The following PPARGC1A variants were observed in gnomAD, a reference collection of about 807,000 sequenced individuals.
PPARGC1A encodes PPARG coactivator 1 alpha, also known as peroxisome proliferator-activated receptor gamma coactivator 1-alpha.
A neutral mutation model predicts 88.7 loss-of-function variants in PPARGC1A; 25 were observed. The observed-to-expected ratio is 0.28, with a 90% CI of 0.21 to 0.39. The LOEUF (loss-of-function observed/expected upper bound fraction) is 0.39, where lower values mean the gene tolerates loss of function less well. Among genes scored for constraint, PPARGC1A ranks in the 10% least tolerant of loss-of-function variants. The probability of loss-of-function intolerance (pLI) is 1.00; values close to 1 mark genes in which losing one functional copy is unlikely to be tolerated. For missense variants in PPARGC1A, 880 were observed against 968.7 expected, an observed-to-expected ratio of 0.91 and a Z score of 1.22; for synonymous variants, 363 against 355.6, an observed-to-expected ratio of 1.02 and a Z score of -0.24.
At chr4:24,438,647 T>C in the PPARGC1A span, among the ~76,000 whole-genome samples, 1 of 152,200 alleles carries the variant, frequency 6.6e-6, no homozygotes, top group African/African-American at 2.4e-5. Flanking sequence ...GATAAACATT[T>C]CCTCTCAAAA....
the PPARGC1A span, among the ~76,000 whole-genome samples, chr4:23,958,128 G>A: frequency 6.6e-6 from 1 of 152,092 alleles, no homozygotes; most frequent in Non-Finnish European, 1.5e-5. Flanking sequence ...TTGCTTGGCT[G>A]TATGTAATAA....
chr4:24,465,703 T>C, the PPARGC1A span, among the ~76,000 whole-genome samples: 1 of 152,202 alleles, frequency 6.6e-6, no homozygotes, highest in African/African-American at 2.4e-5. Flanking sequence ...TGACATTTAA[T>C]GTTTTCCCTC....
At chr4:24,421,188 G>A in the PPARGC1A span, among the ~76,000 whole-genome samples, 4 of 152,032 alleles carry the variant, frequency 2.6e-5, no homozygotes, top group Non-Finnish European at 4.4e-5. Context: ...ACATCCAGTT[G>A]TATTTGAATT....
the PPARGC1A span, among the ~76,000 whole-genome samples, chr4:24,439,622 T>TG: frequency 1.6e-4 from 24 of 152,132 alleles, no homozygotes; most frequent in Non-Finnish European, 3.1e-4. Context: ...TGCTTTCACG[T>TG]GAAAAAAAGA....
intron 7 of PPARGC1A, among the ~76,000 whole-genome samples, chr4:23,820,927 GCAGT>G (rs1369008684): frequency 6.6e-6 from 1 of 152,106 alleles, no homozygotes; most frequent in Non-Finnish European, 1.5e-5. Flanking sequence ...TTCTGCTGCT[GCAGT>G]CAAACTGATT....
the PPARGC1A span, among the ~76,000 whole-genome samples, chr4:24,327,282 C>T: frequency 6.6e-6 from 1 of 152,204 alleles, no homozygotes; most frequent in Non-Finnish European, 1.5e-5. Flanking sequence ...TCCCTACTAT[C>T]TTCTGTCTAG....
intron 2 of PPARGC1A, chr4:23,882,806 G>A (rs1279693071): frequency 1.3e-5 from 2 of 152,214 alleles, no homozygotes; most frequent in East Asian, 3.9e-4. Context: ...TCTCCTGAAG[G>A]TATAAATGCA....
chr4:24,060,830 G>T, the PPARGC1A span, among the ~76,000 whole-genome samples: 1 of 151,492 alleles, frequency 6.6e-6, no homozygotes, highest in Non-Finnish European at 1.5e-5. Context: ...CTTTAATGAG[G>T]GCTTACAACA....
chr4:24,362,115 C>T, the PPARGC1A span, among the ~76,000 whole-genome samples: 1 of 152,156 alleles, frequency 6.6e-6, no homozygotes, highest in Admixed American at 6.5e-5. Flanking sequence ...ACATTGTTGT[C>T]CCTGGTATCC....
At chr4:24,311,754 A>C in the PPARGC1A span, among the ~76,000 whole-genome samples, 1 of 152,180 alleles carries the variant, frequency 6.6e-6, no homozygotes, top group African/African-American at 2.4e-5. Flanking sequence ...TGTTATGCAA[A>C]CTGAACAGAG....
At chr4:23,957,093 T>G in the PPARGC1A span, among the ~76,000 whole-genome samples, 1 of 152,082 alleles carries the variant, frequency 6.6e-6, no homozygotes, top group East Asian at 1.9e-4. Flanking sequence ...CAAGTTCACA[T>G]GCTAATCACA....
the PPARGC1A span, among the ~76,000 whole-genome samples, chr4:24,135,154 A>G: frequency 6.6e-6 from 1 of 151,846 alleles, no homozygotes; most frequent in Non-Finnish European, 1.5e-5. Context: ...AATTGACTCT[A>G]TTAAAACTAC....
the PPARGC1A span, among the ~76,000 whole-genome samples, chr4:24,441,971 G>A: frequency 6.6e-6 from 1 of 152,316 alleles, no homozygotes; most frequent in South Asian, 2.1e-4. Context: ...TGACATTTAA[G>A]TGGTCATGCA....
the PPARGC1A span, among the ~76,000 whole-genome samples, chr4:23,990,172 T>C: frequency 6.8e-6 from 1 of 147,770 alleles, no homozygotes; most frequent in Non-Finnish European, 1.5e-5. Context: ...ATATAACGCA[T>C]ATTCCAATCC....
the PPARGC1A span, among the ~76,000 whole-genome samples, chr4:24,318,198 G>A: frequency 6.6e-6 from 1 of 152,194 alleles, no homozygotes; most frequent in South Asian, 2.1e-4. Context: ...GCGACCACTT[G>A]GTATAGTGAC....
the PPARGC1A span, among the ~76,000 whole-genome samples, chr4:23,965,050 G>A: frequency 6.6e-6 from 1 of 152,070 alleles, no homozygotes; most frequent in Non-Finnish European, 1.5e-5. Context: ...GAAGTCATTG[G>A]GACCATCCTT....
the PPARGC1A span, among the ~76,000 whole-genome samples, chr4:24,468,978 AT>A: frequency 6.6e-5 from 10 of 151,486 alleles, no homozygotes; most frequent in Non-Finnish European, 1.5e-4. Flanking sequence ...AAAAAGCTTG[AT>A]TTTTTTTTAG....
At chr4:24,031,769 T>A in the PPARGC1A span, among the ~76,000 whole-genome samples, 1 of 152,186 alleles carries the variant, frequency 6.6e-6, no homozygotes, top group Non-Finnish European at 1.5e-5. Context: ...AAACTGTGAT[T>A]AGCAGTAGAT....
chr4:24,226,271 T>G, the PPARGC1A span, among the ~76,000 whole-genome samples: 1 of 152,190 alleles, frequency 6.6e-6, no homozygotes, highest in Non-Finnish European at 1.5e-5. Context: ...TGTTCACAGC[T>G]CAGAGGCACC....
Sources: gnomAD v4.1 joint callset for allele counts (sites outside exome capture counted in the v4.1 genomes callset) on GRCh38, gnomAD v4.1.1 for gene constraint, MANE v1.5 for transcripts, NCBI Gene and HGNC (gene_info 2026-07-23, HGNC 2026-07-21) for gene names.